SYT1: variants seen among roughly 807,000 people sequenced by gnomAD.
SYT1 encodes synaptotagmin-1.
In SYT1, 8 loss-of-function variants were observed where a neutral mutation model predicts 44.8. That is an observed-to-expected ratio of 0.18 (90% CI 0.10 to 0.32). SYT1 has a LOEUF of 0.32. Among genes scored for constraint, SYT1 ranks in the 10% least tolerant of loss-of-function variants. The pLI is 1.00. For missense variants in SYT1, 286 were observed against 509.3 expected (o/e 0.56, Z 4.22); for synonymous variants, 154 against 188.8 (o/e 0.82, Z 1.51).
At chr12:79,428,907 G>A (rs1869606060) in intron 9 of SYT1, among the ~76,000 whole-genome samples, 1 of 152,154 alleles carries the variant, frequency 6.6e-6, no homozygotes, top group African/African-American at 2.4e-5. Context: ...ACCTCAGGAA[G>A]CTTCCAATTG....
intron 9 of SYT1, among the ~76,000 whole-genome samples, chr12:79,430,692 T>A (rs1869726584): frequency 1.3e-5 from 2 of 152,066 alleles, no homozygotes; most frequent in African/African-American, 4.8e-5. Context: ...GAGGCTGAGG[T>A]GGGAGGATCA....
intron 3 of SYT1, among the ~76,000 whole-genome samples, chr12:79,174,089 G>A (rs1336744113): frequency 6.6e-6 from 1 of 151,936 alleles, no homozygotes; most frequent in African/African-American, 2.4e-5. Context: ...TTTGGAAAAT[G>A]GATTAATGCC....
intron 2 of SYT1, among the ~76,000 whole-genome samples, chr12:78,998,397 C>G (rs562308608): frequency 6.6e-6 from 1 of 152,198 alleles, no homozygotes; most frequent in East Asian, 1.9e-4. Flanking sequence ...GTCTCTTTGC[C>G]AAGGAGCAAT....
intron 8 of SYT1, among the ~76,000 whole-genome samples, chr12:79,313,706 T>C (rs1880925963): frequency 6.6e-6 from 1 of 152,050 alleles, no homozygotes; most frequent in South Asian, 2.1e-4. Flanking sequence ...TCAGCCTATA[T>C]GCATCACCAT....
intron 9 of SYT1, among the ~76,000 whole-genome samples, chr12:79,421,700 T>C (rs1054169685): frequency 2.0e-5 from 3 of 150,366 alleles, no homozygotes; most frequent in African/African-American, 7.5e-5. Context: ...TTTTTTGTTT[T>C]TTTGTTTTCT....
At chr12:79,383,290 C>G (rs1193197909) in intron 9 of SYT1, among the ~76,000 whole-genome samples, 2 of 152,058 alleles carry the variant, frequency 1.3e-5, no homozygotes, top group Non-Finnish European at 2.9e-5. Flanking sequence ...AGTGGAAACA[C>G]AAAGGTAAGT....
chr12:78,945,443 T>C (rs1467647482), intron 1 of SYT1, among the ~76,000 whole-genome samples: 5 of 149,622 alleles, frequency 3.3e-5, no homozygotes, highest in Non-Finnish European at 5.9e-5. Context: ...TATTCATACA[T>C]ATTTTACATT....
chr12:79,306,434 C>T (rs1010678006), intron 8 of SYT1, among the ~76,000 whole-genome samples: 2 of 152,166 alleles, frequency 1.3e-5, no homozygotes, highest in South Asian at 4.1e-4. Context: ...TATGTAGGGT[C>T]AAGTATAGGC....
intron 4 of SYT1, among the ~76,000 whole-genome samples, chr12:79,284,863 G>A (rs1879232248): frequency 6.6e-6 from 1 of 151,154 alleles, no homozygotes; most frequent in African/African-American, 2.4e-5. Context: ...AGAATTGATA[G>A]CTAACATTAA....
chr12:79,133,404 G>A (rs948379190), intron 3 of SYT1, among the ~76,000 whole-genome samples: 1 of 151,914 alleles, frequency 6.6e-6, no homozygotes, highest in Admixed American at 6.6e-5. Flanking sequence ...AAAACTACAA[G>A]AGAAGATTTA....
intron 2 of SYT1, among the ~76,000 whole-genome samples, chr12:79,043,467 T>C (rs1873749427): frequency 6.7e-6 from 1 of 149,120 alleles, no homozygotes; most frequent in Admixed American, 6.8e-5. Context: ...TTTTTTGTTT[T>C]CCATTTGCTT....
chr12:79,324,009 G>T (rs539437451), intron 8 of SYT1, among the ~76,000 whole-genome samples: 11 of 145,038 alleles, frequency 7.6e-5, no homozygotes, highest in African/African-American at 2.8e-4. Flanking sequence ...GGAGTGCAGT[G>T]GCGCAATCTC....
intron 2 of SYT1, among the ~76,000 whole-genome samples, chr12:79,015,810 G>A (rs768840948): frequency 6.6e-6 from 1 of 152,080 alleles, no homozygotes; most frequent in Non-Finnish European, 1.5e-5. Context: ...CCTATTTAAT[G>A]TATTCTGCTA....
chr12:78,923,419 G>A (rs546973285), intron 1 of SYT1, among the ~76,000 whole-genome samples: 1 of 151,888 alleles, frequency 6.6e-6, no homozygotes, highest in Non-Finnish European at 1.5e-5. Context: ...ACAAGACAGA[G>A]AAAGTAGTGA....
At chr12:79,391,881 G>A (rs1884670041) in intron 9 of SYT1, among the ~76,000 whole-genome samples, 1 of 152,212 alleles carries the variant, frequency 6.6e-6, no homozygotes, top group African/African-American at 2.4e-5. Flanking sequence ...AATACTGGAT[G>A]TCACAACTAA....
At chr12:79,144,884 C>G (rs760814391) in intron 3 of SYT1, among the ~76,000 whole-genome samples, 2 of 152,194 alleles carry the variant, frequency 1.3e-5, no homozygotes, top group Non-Finnish European at 2.9e-5. Context: ...AATTTTGTGT[C>G]ATGTTAGTGT....
chr12:79,131,652 C>CA (rs1286905628), intron 3 of SYT1, among the ~76,000 whole-genome samples: 1 of 152,148 alleles, frequency 6.6e-6, no homozygotes, highest in Non-Finnish European at 1.5e-5. Context: ...CAAGTGCTAA[C>CA]ACATAGAAGA....
chr12:79,012,236 A>T (rs1416133360), intron 2 of SYT1, among the ~76,000 whole-genome samples: 1 of 151,796 alleles, frequency 6.6e-6, no homozygotes, highest in East Asian at 1.9e-4. Context: ...AGAGGTCCAG[A>T]CTCTATTTTT....
intron 2 of SYT1, among the ~76,000 whole-genome samples, chr12:79,008,428 T>G (rs1421753596): frequency 1.3e-5 from 2 of 152,132 alleles, no homozygotes; most frequent in Admixed American, 1.3e-4. Context: ...AATAAGCCAC[T>G]GAGATGTTTT....
Sources: gnomAD v4.1 joint callset for allele counts (sites outside exome capture counted in the v4.1 genomes callset) on GRCh38, gnomAD v4.1.1 for gene constraint, MANE v1.5 for transcripts, NCBI Gene and HGNC (gene_info 2026-07-23, HGNC 2026-07-21) for gene names.